The following PTPRD variants were observed in gnomAD, a reference collection of about 807,000 sequenced individuals.
PTPRD encodes protein tyrosine phosphatase receptor type D, also known as receptor-type tyrosine-protein phosphatase delta.
PTPRD carries 34 observed loss-of-function variants against 214.5 expected under a neutral mutation model. That is an observed-to-expected ratio of 0.16 (90% CI 0.12 to 0.21). The LOEUF (loss-of-function observed/expected upper bound fraction) is 0.21. Among genes scored for constraint, PTPRD ranks in the 10% least tolerant of loss-of-function variants. The pLI is 1.00. For missense variants in PTPRD, 2,545 were observed against 2,398.7 expected (o/e 1.06, Z -1.27); for synonymous variants, 1,128 against 845.7 (o/e 1.33, Z -5.79).
At chr9:8,610,935 C>A (rs1337336646) in intron 14 of PTPRD, among the ~76,000 whole-genome samples, 1 of 152,110 alleles carries the variant, frequency 6.6e-6, no homozygotes, top group Non-Finnish European at 1.5e-5. Flanking sequence ...TTTTTCTAAG[C>A]CTAGCTAATT....
intron 2 of PTPRD, among the ~76,000 whole-genome samples, chr9:10,394,104 A>C (rs920563080): frequency 7.5e-5 from 11 of 145,820 alleles, no homozygotes; most frequent in African/African-American, 2.5e-4. Context: ...ATCTCTCTCT[A>C]TATATGGAGA....
intron 23 of PTPRD, among the ~76,000 whole-genome samples, chr9:8,503,270 G>A (rs2097455628): frequency 6.6e-6 from 1 of 152,030 alleles, no homozygotes; most frequent in South Asian, 2.1e-4. Flanking sequence ...CAAATTTCAT[G>A]TTTGCTGATA....
At chr9:9,928,854 G>C (rs1471426418) in intron 5 of PTPRD, among the ~76,000 whole-genome samples, 2 of 151,584 alleles carry the variant, frequency 1.3e-5, no homozygotes, top group Non-Finnish European at 1.5e-5. Context: ...TGATGCTTTG[G>C]TAAGCTATTA....
At chr9:8,523,003 A>T (rs896089784) in intron 19 of PTPRD, among the ~76,000 whole-genome samples, 2 of 152,138 alleles carry the variant, frequency 1.3e-5, no homozygotes, top group Non-Finnish European at 2.9e-5. Context: ...TGACAGTCAT[A>T]GGAGAAGAAG....
intron 10 of PTPRD, among the ~76,000 whole-genome samples, chr9:9,092,432 T>C (rs1172719415): frequency 6.6e-6 from 1 of 152,090 alleles, no homozygotes; most frequent in Non-Finnish European, 1.5e-5. Context: ...AATTGAATAT[T>C]CACAGATTGA....
chr9:10,060,900 CTTTCTTTCTTTCTTTCTTT>C (rs1330187178), intron 3 of PTPRD, among the ~76,000 whole-genome samples: 3 of 37,346 alleles, frequency 8.0e-5, no homozygotes, highest in African/African-American at 7.3e-4. Flanking sequence ...TTCCTTCCTT[CTTTCTTTCTTTCTTTCTTT>C]CTTTCTTTCT....
chr9:10,050,167 G>C (rs1404616538), intron 3 of PTPRD, among the ~76,000 whole-genome samples: 2 of 152,008 alleles, frequency 1.3e-5, no homozygotes, highest in African/African-American at 4.8e-5. Context: ...CCAAGAATGA[G>C]GGTGACTAAG....
At chr9:9,314,287 T>G (rs958296917) in intron 9 of PTPRD, among the ~76,000 whole-genome samples, 2 of 152,180 alleles carry the variant, frequency 1.3e-5, no homozygotes, top group Non-Finnish European at 2.9e-5. Context: ...GAACAAAATT[T>G]GTATTCTGAG....
At chr9:9,295,192 CAAAT>C (rs1952583255) in intron 9 of PTPRD, among the ~76,000 whole-genome samples, 1 of 151,482 alleles carries the variant, frequency 6.6e-6, no homozygotes, top group Non-Finnish European at 1.5e-5. Context: ...TTTATTTAAA[CAAAT>C]AAAGTAAAAG....
At chr9:8,852,119 T>C (rs1291594893) in intron 11 of PTPRD, among the ~76,000 whole-genome samples, 1 of 152,216 alleles carries the variant, frequency 6.6e-6, no homozygotes, top group African/African-American at 2.4e-5. Flanking sequence ...GATCACTTTA[T>C]GTATTTGAAA....
chr9:10,088,428 G>C (rs1245519682), intron 3 of PTPRD, among the ~76,000 whole-genome samples: 1 of 151,660 alleles, frequency 6.6e-6, no homozygotes, highest in Non-Finnish European at 1.5e-5. Context: ...TCAGATAATA[G>C]GACAAATGAT....
intron 3 of PTPRD, among the ~76,000 whole-genome samples, chr9:10,180,592 C>T (rs1305581856): frequency 3.7e-5 from 5 of 134,332 alleles, no homozygotes; most frequent in African/African-American, 1.4e-4. Flanking sequence ...GATACCAAAA[C>T]CAGATAAAGT....
At chr9:9,329,132 G>A (rs1259275378) in intron 9 of PTPRD, among the ~76,000 whole-genome samples, 1 of 152,016 alleles carries the variant, frequency 6.6e-6, no homozygotes, top group Non-Finnish European at 1.5e-5. Flanking sequence ...GTGCAGTAAT[G>A]TATCTCAGCA....
intron 3 of PTPRD, among the ~76,000 whole-genome samples, chr9:10,264,534 C>T (rs2093921764): frequency 6.6e-6 from 1 of 152,140 alleles, no homozygotes. Context: ...TTGTTTTGGC[C>T]ATTCTCTCCC....
chr9:10,399,402 A>C (rs1389777569), intron 2 of PTPRD, among the ~76,000 whole-genome samples: 2 of 152,000 alleles, frequency 1.3e-5, no homozygotes, highest in Non-Finnish European at 2.9e-5. Flanking sequence ...TTAACATTAG[A>C]GTATATTTTT....
chr9:9,653,668 A>G lies in PTPRD; in HGVS notation c.-286-78887T>C, dbSNP rs375605936. ...TGGTTGAAGAAAAAAGCATTCCAAT[A>G]TAAGCTTTGAAATTGTTTGCTTATA... On this transcript the variant is annotated intron_variant, in intron 7 of 45. Coordinates refer to ENST00000381196, the MANE Select transcript of PTPRD (RefSeq NM_002839.4). Among the ~76,000 whole-genome samples, 14 of 152,266 alleles carry G rather than the reference A, an allele frequency of 9.2e-5. No homozygotes were observed. The East Asian group carries it at 2.1e-3, about 23-fold the overall frequency.
At chr9:9,252,589 T>A (rs1203842725) in intron 9 of PTPRD, among the ~76,000 whole-genome samples, 3 of 152,050 alleles carry the variant, frequency 2.0e-5, no homozygotes, top group Non-Finnish European at 4.4e-5. Flanking sequence ...TCAGGCAATC[T>A]TCTTGCCTCA....
chr9:9,782,688 G>C (rs1282334452), intron 5 of PTPRD, among the ~76,000 whole-genome samples: 7 of 152,098 alleles, frequency 4.6e-5, no homozygotes, highest in Non-Finnish European at 7.4e-5. Flanking sequence ...ACAAAAGAAG[G>C]AAACAAAAGG....
intron 12 of PTPRD, among the ~76,000 whole-genome samples, chr9:8,718,858 C>A (rs1041971350): frequency 1.3e-5 from 2 of 152,132 alleles, no homozygotes; most frequent in Non-Finnish European, 2.9e-5. Flanking sequence ...CACGATGGAG[C>A]GTAGTGTTAT....
Sources: allele counts gnomAD v4.1 joint callset (sites outside exome capture counted in the v4.1 genomes callset), GRCh38; gene constraint gnomAD v4.1.1; transcripts MANE v1.5; gene names NCBI Gene and HGNC (gene_info 2026-07-23, HGNC 2026-07-21).